ANTXR1: variants seen among roughly 807,000 people sequenced by gnomAD.
ANTXR1 encodes the protein anthrax toxin receptor 1.
In ANTXR1, 19 loss-of-function variants were observed where a neutral mutation model predicts 78.1. That is an observed-to-expected ratio of 0.24 (90% CI 0.17 to 0.36). The LOEUF is 0.36. Among genes scored for constraint, ANTXR1 ranks in the 10% least tolerant of loss-of-function variants. The probability of loss-of-function intolerance (pLI) is 1.00; values close to 1 mark genes in which losing one functional copy is unlikely to be tolerated. For missense variants in ANTXR1, 518 were observed against 718.6 expected (o/e 0.72, Z 3.19); for synonymous variants, 273 against 260.5 (o/e 1.05, Z -0.46).
Position 69,059,373 on chromosome 2 carries a change from G to A in ANTXR1, c.297-11274G>A, listed in dbSNP as rs529187144. On this transcript the variant is annotated intron_variant, in intron 3 of 17. Coordinates refer to ENST00000303714, the MANE Select transcript of ANTXR1 (RefSeq NM_032208.3). Reference sequence around the variant, plus strand: ...CCATCACTCTGATCAGTCAGCAGCCGTCAGTATCGAGGCAGAACCCTCCAC... The same window carrying A: ...CCATCACTCTGATCAGTCAGCAGCCATCAGTATCGAGGCAGAACCCTCCAC... 1.1e-4 allele frequency among the ~76,000 whole-genome samples: 17 copies of A among 152,270 alleles called. No homozygotes were observed. In the South Asian group the frequency reaches 2.7e-3, roughly 24 times the overall value.
intron 3 of ANTXR1, among the ~76,000 whole-genome samples, chr2:69,049,573 G>A (rs1441743134): frequency 6.6e-6 from 1 of 152,170 alleles, no homozygotes; most frequent in Non-Finnish European, 1.5e-5. Context: ...GCCTTCCAAA[G>A]TGCTGGGATT....
intron 13 of ANTXR1, among the ~76,000 whole-genome samples, chr2:69,162,226 C>A (rs1223050267): frequency 6.6e-6 from 1 of 152,172 alleles, no homozygotes; most frequent in Non-Finnish European, 1.5e-5. Context: ...TGGCTTCCTG[C>A]CTGAGATTTT....
At chr2:69,112,638 C>T (rs1410101480) in intron 10 of ANTXR1, among the ~76,000 whole-genome samples, 2 of 152,210 alleles carry the variant, frequency 1.3e-5, no homozygotes, top group African/African-American at 4.8e-5. Context: ...GGAAGAACCC[C>T]AGGCATTAGG....
At chr2:69,189,634 G>A (rs1441541243) in intron 16 of ANTXR1, among the ~76,000 whole-genome samples, 1 of 152,248 alleles carries the variant, frequency 6.6e-6, no homozygotes, top group South Asian at 2.1e-4. Context: ...GAGCTGTGGA[G>A]GTGGTGGGTC....
chr2:69,150,562 ACC>A (rs2104427592), intron 12 of ANTXR1, among the ~76,000 whole-genome samples: 1 of 152,294 alleles, frequency 6.6e-6, no homozygotes, highest in East Asian at 1.9e-4. Context: ...TTACTATAAA[ACC>A]ACTACCAGTA....
Position 69,013,717 on chromosome 2 carries a change from G to A in ANTXR1, c.152+66G>A, listed in dbSNP as rs1464864735. 2.6e-6 allele frequency: 4 copies of A among 1,550,480 alleles called. No homozygotes were observed. The highest frequency in any genetic ancestry group is 1.4e-5 in the African/African-American group (1 of 73,018). Reference sequence around the variant, plus strand: ...GGCGAAAACGCTTTCGCCCCGGGCCGGGCTCGTTGGCAGGGTCGCCTGGGG... The same window carrying A: ...GGCGAAAACGCTTTCGCCCCGGGCCAGGCTCGTTGGCAGGGTCGCCTGGGG... On this transcript the variant is annotated intron_variant, in intron 1 of 17. Transcript: ENST00000303714. The surrounding 1 kb of genome is among the most constrained non-coding windows in gnomAD (Gnocchi z 5.0).
chr2:69,018,507 T>A (rs1233582825), intron 1 of ANTXR1, among the ~76,000 whole-genome samples: 7 of 151,788 alleles, frequency 4.6e-5, no homozygotes, highest in African/African-American at 1.7e-4. Context: ...ATCTTCTGAG[T>A]TCCCAACTAC....
intron 17 of ANTXR1, among the ~76,000 whole-genome samples, chr2:69,239,769 C>T (rs1675852794): frequency 6.6e-6 from 1 of 152,168 alleles, no homozygotes. Flanking sequence ...GCCCCCAGCA[C>T]CAGTGTCCTG....
intron 1 of ANTXR1, among the ~76,000 whole-genome samples, chr2:69,017,704 C>A (rs1671062865): frequency 6.6e-6 from 1 of 152,152 alleles, no homozygotes. Flanking sequence ...TTCACTTAAA[C>A]ATGCTTTTCT....
At chr2:69,208,072 A>G (rs1674951380) in intron 17 of ANTXR1, among the ~76,000 whole-genome samples, 1 of 152,250 alleles carries the variant, frequency 6.6e-6, no homozygotes, top group Admixed American at 6.5e-5. Context: ...GGGATCCATC[A>G]GAGGAAATTG....
chr2:69,050,127 C>G (rs946355353), intron 3 of ANTXR1, among the ~76,000 whole-genome samples: 1 of 151,868 alleles, frequency 6.6e-6, no homozygotes, highest in African/African-American at 2.4e-5. Flanking sequence ...GACCCCATCT[C>G]TACAAAAAAT....
rs112962995 is a variant in ANTXR1 at position 69,207,901 on chromosome 2, G to A, written c.1434+14486G>A. ...TCAGGTGGTTTCTCTCTCCCCCAGT[G>A]TGGCTGAGTCTGGGGCTTTTTATGA... On this transcript the variant is annotated intron_variant, in intron 17 of 17. Coordinates refer to ENST00000303714, the MANE Select transcript of ANTXR1 (RefSeq NM_032208.3). Among the ~76,000 whole-genome samples the A allele has an allele frequency of 6.8e-3, 1,039 of 152,338 alleles. 8 individuals are homozygous for A. The highest frequency in any genetic ancestry group is 0.024 in the African/African-American group (978 of 41,580).
intron 3 of ANTXR1, among the ~76,000 whole-genome samples, chr2:69,050,247 C>A (rs1269046183): frequency 6.6e-6 from 1 of 151,888 alleles, no homozygotes; most frequent in African/African-American, 2.4e-5. Flanking sequence ...TGCAGTGAGC[C>A]GTAATCATGC....
chr2:69,226,138 C>A (rs112604283), intron 17 of ANTXR1, among the ~76,000 whole-genome samples: 2 of 152,106 alleles, frequency 1.3e-5, no homozygotes, highest in African/African-American at 4.8e-5. Context: ...AGCCATAGCT[C>A]GGGGGAGTGG....
At chr2:69,145,415 T>G in intron 12 of ANTXR1, 2 of 1,571,914 alleles carry the variant, frequency 1.3e-6, no homozygotes, top group Non-Finnish European at 8.6e-7. Context: ...AGCACACTCC[T>G]GAAAACGGGG....
At chr2:69,118,092 G>T (rs1672210687) in intron 10 of ANTXR1, among the ~76,000 whole-genome samples, 1 of 152,232 alleles carries the variant, frequency 6.6e-6, no homozygotes, top group African/African-American at 2.4e-5. Flanking sequence ...ATGGACAAAA[G>T]AAATTTATAT....
chr2:69,042,708 A>G (rs1314953114), intron 2 of ANTXR1, among the ~76,000 whole-genome samples: 1 of 151,966 alleles, frequency 6.6e-6, no homozygotes, highest in Admixed American at 6.6e-5. Flanking sequence ...CTTCTCATTC[A>G]TTCCTTAACC....
chr2:69,043,582 A>G (rs1002971042), intron 2 of ANTXR1, among the ~76,000 whole-genome samples: 3 of 152,186 alleles, frequency 2.0e-5, no homozygotes, highest in East Asian at 1.9e-4. Flanking sequence ...CTGAGCTCCT[A>G]TCAAATATTA....
At chr2:69,161,084 G>A (rs575731230) in intron 13 of ANTXR1, among the ~76,000 whole-genome samples, 8 of 152,118 alleles carry the variant, frequency 5.3e-5, no homozygotes, top group Non-Finnish European at 1.0e-4. Flanking sequence ...TCTAAAAATC[G>A]GCTTTCCCGT....
Sources: gnomAD v4.1 joint callset for allele counts (sites outside exome capture counted in the v4.1 genomes callset) on GRCh38, gnomAD v4.1.1 for gene constraint, Gnocchi (gnomAD v3.1) non-coding constraint, MANE v1.5 for transcripts, NCBI Gene and HGNC (gene_info 2026-07-23, HGNC 2026-07-21) for gene names.